Variants in CHCHD6 observed in about 807,000 individuals in gnomAD.
CHCHD6 encodes the protein coiled-coil-helix-coiled-coil-helix domain containing 6.
CHCHD6 carries 28 observed loss-of-function variants against 32.3 expected under a neutral mutation model. The observed-to-expected ratio is 0.87, with a 90% CI of 0.64 to 1.19. CHCHD6 has a LOEUF of 1.19. CHCHD6 is among the 50% of genes most tolerant of loss of function. The pLI is 0.00. For missense variants in CHCHD6, 333 were observed against 307.0 expected (o/e 1.08, Z -0.63); for synonymous variants, 122 against 117.5 (o/e 1.04, Z -0.25).
At chr3:126,824,016 A>T (rs931377232) in intron 4 of CHCHD6, among the ~76,000 whole-genome samples, 20 of 152,190 alleles carry the variant, frequency 1.3e-4, no homozygotes, top group Non-Finnish European at 2.9e-4. Flanking sequence ...TTGAGGCTAC[A>T]GTGAGCTATA....
At chr3:126,957,843 A>C in intron 7 of CHCHD6, 1 of 500,188 alleles carries the variant, frequency 2.0e-6, no homozygotes, top group Non-Finnish European at 3.7e-6. Flanking sequence ...CCCACCTTCA[A>C]GGGCCGGGCC....
chr3:126,784,444 C>CA (rs1173439054), intron 4 of CHCHD6, among the ~76,000 whole-genome samples: 1 of 152,158 alleles, frequency 6.6e-6, no homozygotes, highest in Non-Finnish European at 1.5e-5. Context: ...TGCTAGCACT[C>CA]ATTATACATA....
intron 5 of CHCHD6, among the ~76,000 whole-genome samples, chr3:126,905,661 G>A (rs2077994609): frequency 6.6e-6 from 1 of 152,142 alleles, no homozygotes; most frequent in Non-Finnish European, 1.5e-5. Flanking sequence ...GGCCAGGATG[G>A]GGGGTGTGTG....
chr3:126,763,044 A>G (rs1937221330), intron 4 of CHCHD6, among the ~76,000 whole-genome samples: 1 of 152,196 alleles, frequency 6.6e-6, no homozygotes, highest in South Asian at 2.1e-4. Flanking sequence ...TTGAGAAGGA[A>G]GGACTTTTGC....
chr3:126,742,003 CAG>C lies in CHCHD6; in HGVS notation c.411+8783_411+8784del, dbSNP rs549935853. 2.4e-3 allele frequency among the ~76,000 whole-genome samples: 368 copies of C among 152,316 alleles called. 4 individuals carry two copies. Among genetic ancestry groups the C allele is most frequent in the Middle Eastern group, 0.014 (4 of 294 alleles). On this transcript the variant is annotated intron_variant, in intron 4 of 7. Coordinates refer to ENST00000290913, the MANE Select transcript of CHCHD6 (RefSeq NM_032343.3). ...TGGGCTTATTGACCTCTAAGAGAAA[CAG>C]ATGCTCTTTTCTCTGCCAGGGTCTG...
intron 1 of CHCHD6, among the ~76,000 whole-genome samples, chr3:126,705,385 A>T (rs1934435013): frequency 6.6e-6 from 1 of 152,230 alleles, no homozygotes; most frequent in Admixed American, 6.5e-5. Flanking sequence ...CTCTTATTGC[A>T]GTGTAGGGGC....
At chr3:126,817,740 C>T (rs115422761) in intron 4 of CHCHD6, among the ~76,000 whole-genome samples, 1,812 of 152,294 alleles carry the variant, frequency 0.012, 20 homozygotes, top group Middle Eastern at 0.048. Context: ...TACTCTTGTC[C>T]TTCATGACTT....
At chr3:126,908,219 C>T (rs2078033377) in intron 5 of CHCHD6, among the ~76,000 whole-genome samples, 1 of 152,194 alleles carries the variant, frequency 6.6e-6, no homozygotes. Context: ...CCTGCATTCT[C>T]TCAAAGCATT....
At chr3:126,802,473 G>C (rs534202277) in intron 4 of CHCHD6, among the ~76,000 whole-genome samples, 1 of 152,322 alleles carries the variant, frequency 6.6e-6, no homozygotes, top group Admixed American at 6.5e-5. Flanking sequence ...AGTGATGGAA[G>C]ATGAAATGAA....
At chr3:126,731,830 A>G (rs1402106861) in intron 3 of CHCHD6, among the ~76,000 whole-genome samples, 1 of 152,092 alleles carries the variant, frequency 6.6e-6, no homozygotes, top group African/African-American at 2.4e-5. Context: ...ATCCCAGTGA[A>G]TTTAGGAGGC....
intron 4 of CHCHD6, among the ~76,000 whole-genome samples, chr3:126,823,785 G>A (rs1158826249): frequency 1.3e-5 from 2 of 152,138 alleles, no homozygotes; most frequent in Admixed American, 6.5e-5. Context: ...GGTGGCTCAC[G>A]CCTATAATCC....
chr3:126,779,982 T>C (rs1232348359), intron 4 of CHCHD6, among the ~76,000 whole-genome samples: 3 of 152,166 alleles, frequency 2.0e-5, no homozygotes, highest in African/African-American at 2.4e-5. Context: ...TCAATGAAAA[T>C]GTGAGAGAAT....
At chr3:126,766,617 T>C in intron 4 of CHCHD6, 1 of 1,081,910 alleles carries the variant, frequency 9.2e-7, no homozygotes, top group Non-Finnish European at 1.4e-6. Flanking sequence ...TTAGCCCAGT[T>C]CCCCGAAGGT....
rs1278752756 is a variant in CHCHD6 at position 126,782,124 on chromosome 3, A to T, written c.411+48902A>T. ...GGTGTTCATGAAGCAAACTGCTCCC[A>T]GCAAGGCAGTGAACAACAAGCCAAT... On this transcript the variant is annotated intron_variant, in intron 4 of 7. Coordinates refer to ENST00000290913, the MANE Select transcript of CHCHD6 (RefSeq NM_032343.3). Among the ~76,000 whole-genome samples the T allele has an allele frequency of 3.9e-5, 6 of 152,358 alleles. No homozygotes were observed. In the East Asian group the frequency reaches 1.2e-3, roughly 29 times the overall value.
chr3:126,726,456 A>G lies in CHCHD6; in HGVS notation c.88-622A>G, dbSNP rs1935539224. Reference sequence around the variant, plus strand: ...AAAAGCTTCAAGTATCATGAGAATTATCAAAACATGACTGAGAGACACAAA... The same window carrying G: ...AAAAGCTTCAAGTATCATGAGAATTGTCAAAACATGACTGAGAGACACAAA... On this transcript the variant is annotated intron_variant, in intron 1 of 7. Coordinates refer to ENST00000290913, the MANE Select transcript of CHCHD6 (RefSeq NM_032343.3). Among the ~76,000 whole-genome samples the G allele has an allele frequency of 2.0e-5, 3 of 152,252 alleles. No individual in the cohort carries two copies. The South Asian group carries it at 6.2e-4, about 31-fold the overall frequency.
intron 2 of CHCHD6, among the ~76,000 whole-genome samples, chr3:126,730,130 A>G (rs1935722541): frequency 6.6e-6 from 1 of 152,152 alleles, no homozygotes; most frequent in Admixed American, 6.5e-5. Context: ...ACTAAGGGAA[A>G]CAAGATTTAA....
intron 4 of CHCHD6, among the ~76,000 whole-genome samples, chr3:126,743,769 G>A (rs1016471231): frequency 6.6e-6 from 1 of 152,188 alleles, no homozygotes; most frequent in African/African-American, 2.4e-5. Context: ...TGGAGCAGCA[G>A]GTGACACCGT....
chr3:126,780,750 G>A (rs1937896179), intron 4 of CHCHD6, among the ~76,000 whole-genome samples: 1 of 152,194 alleles, frequency 6.6e-6, no homozygotes, highest in Middle Eastern at 3.2e-3. Flanking sequence ...GCTGCTGTGT[G>A]TGGACTGCTT....
chr3:126,793,823 T>C (rs972363687), intron 4 of CHCHD6, among the ~76,000 whole-genome samples: 1 of 152,180 alleles, frequency 6.6e-6, no homozygotes, highest in African/African-American at 2.4e-5. Context: ...TTTCCTTCAC[T>C]AAGTCTTTAC....
Sources: allele counts gnomAD v4.1 joint callset (sites outside exome capture counted in the v4.1 genomes callset), GRCh38; gene constraint gnomAD v4.1.1; transcripts MANE v1.5; gene names NCBI Gene and HGNC (gene_info 2026-07-23, HGNC 2026-07-21).